CCDC18: variants seen among roughly 807,000 people sequenced by gnomAD.
CCDC18 encodes the protein coiled-coil domain-containing protein 18.
Under a neutral mutation model 196.0 loss-of-function variants are expected in CCDC18, and 157 were observed. The ratio of observed to expected loss-of-function variants is 0.80; its 90% CI spans 0.70 to 0.91. The LOEUF (loss-of-function observed/expected upper bound fraction) is 0.91. CCDC18 is among the 40% of genes least tolerant of loss of function. CCDC18 has a pLI of 0.00. For synonymous variants in CCDC18, 482 were observed against 529.2 expected (o/e 0.91, Z 1.22); for missense variants, 1,465 against 1,611.6 (o/e 0.91, Z 1.56).
Position 93,236,244 on chromosome 1 carries a change from C to T in CCDC18, c.2461-4C>T. The T allele has an allele frequency of 6.4e-7, 1 of 1,563,560 alleles. No homozygotes were observed. ...AAAATGTTTACTGAAAACTGCTTTA[C>T]AAGGTGTCAAAACTGGAACAAGAAC... On this transcript the variant is annotated splice_polypyrimidine_tract_variant and splice_region_variant and intron_variant, in intron 18 of 28. Coordinates refer to ENST00000690025, the MANE Select transcript of CCDC18 (RefSeq NM_001378204.1).
chr1:93,250,378 CAAAAAAAAAA>C (rs71094242), intron 23 of CCDC18, among the ~76,000 whole-genome samples: 4 of 89,434 alleles, frequency 4.5e-5, no homozygotes, highest in South Asian at 8.7e-4. Context: ...GAGACCCTGT[CAAAAAAAAAA>C]AAAAAAAAAG....
At chr1:93,213,174 C>G (rs1655940557) in intron 11 of CCDC18, among the ~76,000 whole-genome samples, 1 of 152,120 alleles carries the variant, frequency 6.6e-6, no homozygotes, top group Non-Finnish European at 1.5e-5. Context: ...CACTCACCTC[C>G]TACTATGTGG....
At chr1:93,235,963 G>A (rs1471140747) in intron 18 of CCDC18, among the ~76,000 whole-genome samples, 2 of 151,974 alleles carry the variant, frequency 1.3e-5, no homozygotes, top group African/African-American at 4.8e-5. Context: ...GAGAAGAAAG[G>A]GCATTTCAAA....
In CCDC18 at chr1:93,217,767, A is replaced by G. The variant is rs752768309; in HGVS notation, c.1860A>G (p.Glu620=). Residue 620 remains glutamate (E), a synonymous_variant, in exon 14 of 29, where the codon GAA becomes GAG. Coordinates refer to ENST00000690025, the MANE Select transcript of CCDC18 (RefSeq NM_001378204.1). ...AGAATGAAAAGATAAGGAGTCTAGA[A>G]ACCAATATTAATACAGAGCATGAGA... The part of the protein sequence containing the change: ...MEKNEKIRSL[E]TNINTEHEKI... 39 of 1,608,302 alleles carry G rather than the reference A, an allele frequency of 2.4e-5. 1 individual carries two copies. In the South Asian group the frequency reaches 4.2e-4, roughly 17 times the overall value.
At chr1:93,274,257 G>C (rs12405311) in intron 28 of CCDC18, among the ~76,000 whole-genome samples, 1 of 152,066 alleles carries the variant, frequency 6.6e-6, no homozygotes, top group Non-Finnish European at 1.5e-5. Flanking sequence ...ACAAAAATTA[G>C]CTGGGCATGG....
At chr1:93,208,137 A>G (rs1387781675) in intron 9 of CCDC18, among the ~76,000 whole-genome samples, 2 of 152,178 alleles carry the variant, frequency 1.3e-5, no homozygotes, top group East Asian at 1.9e-4. Flanking sequence ...ACCTAGGAGT[A>G]GAATTCTTGG....
chr1:93,264,156 CTCATGAGAACTCACTA>C (rs1664185501), intron 26 of CCDC18, among the ~76,000 whole-genome samples: 1 of 152,108 alleles, frequency 6.6e-6, no homozygotes, highest in Non-Finnish European at 1.5e-5. Context: ...ACGATCAGAT[CTCATGAGAACTCACTA>C]TCATGAGAAC....
chr1:93,272,125 T>A (rs1665324234), intron 28 of CCDC18, among the ~76,000 whole-genome samples: 1 of 152,192 alleles, frequency 6.6e-6, no homozygotes, highest in South Asian at 2.1e-4. Context: ...TTGGAATAGA[T>A]CCAAGACAAA....
rs759186009 is a variant in CCDC18, at chr1:93,234,934, A to AGTGTGTGTGTGTGTGTGTGT, written c.2461-1313_2461-1312insTGTGTGTGTGTGTGTGTGTG. Among the ~76,000 whole-genome samples the AGTGTGTGTGTGTGTGTGTGT allele has an allele frequency of 3.6e-3, 244 of 67,864 alleles. 6 individuals carry two copies. The highest frequency in any genetic ancestry group is 0.028 in the East Asian group (89 of 3,192). 44.5% of individuals were successfully genotyped at this position (67,864 alleles called of 152,430 possible). ...AAGTGCATACCACCATGCCCAGCTA[A>AGTGTGTGTGTGTGTGTGTGT]GAGTGTGTGTGTGTGTGTGTGTGTG... On this transcript the variant is annotated intron_variant, in intron 18 of 28. Transcript: ENST00000690025.
chr1:93,185,375 C>T (rs144972144), intron 3 of CCDC18, among the ~76,000 whole-genome samples: 1 of 151,870 alleles, frequency 6.6e-6, no homozygotes, highest in Non-Finnish European at 1.5e-5. Context: ...AAAAACGATA[C>T]TGTAGACACC....
intron 6 of CCDC18, among the ~76,000 whole-genome samples, chr1:93,196,518 C>A (rs570290574): frequency 6.6e-6 from 1 of 152,214 alleles, no homozygotes; most frequent in South Asian, 2.1e-4. Context: ...TATAAAGACT[C>A]TAAACTTATA....
At chr1:93,264,611 AAAT>A in intron 26 of CCDC18, 87 bp from the exon 27 acceptor site, 1 of 724,368 alleles carries the variant, frequency 1.4e-6, no homozygotes, top group Non-Finnish European at 2.3e-6. Flanking sequence ...AAGAAAAAGT[AAAT>A]AAAAGTAGAA....
At chr1:93,221,792 A>T (rs745814191) in intron 15 of CCDC18, 49 bp downstream of exon 15, 1 of 1,591,902 alleles carries the variant, frequency 6.3e-7, no homozygotes, top group Non-Finnish European at 8.5e-7. Flanking sequence ...CTAATATTTT[A>T]TGTCTCTATA....
intron 21 of CCDC18, among the ~76,000 whole-genome samples, chr1:93,243,444 T>A (rs1489110578): frequency 6.6e-6 from 1 of 152,198 alleles, no homozygotes; most frequent in African/African-American, 2.4e-5. Flanking sequence ...GAAACCATTT[T>A]TTCCTCCTAG....
intron 18 of CCDC18, among the ~76,000 whole-genome samples, chr1:93,234,260 C>T (rs1288284649): frequency 6.6e-6 from 1 of 151,964 alleles, no homozygotes; most frequent in Non-Finnish European, 1.5e-5. Context: ...CTCCCAGGTT[C>T]AAGTGATTCT....
intron 6 of CCDC18, among the ~76,000 whole-genome samples, chr1:93,195,163 G>A (rs867930370): frequency 1.3e-5 from 2 of 152,066 alleles, no homozygotes; most frequent in Non-Finnish European, 2.9e-5. Context: ...GAGCCACTGC[G>A]CCTGGCTAAA....
intron 25 of CCDC18, among the ~76,000 whole-genome samples, chr1:93,257,231 CAAAAAAAAAAAAAAAAA>C (rs71586787): frequency 1.1e-4 from 5 of 46,520 alleles, no homozygotes; most frequent in African/African-American, 3.4e-4. Flanking sequence ...GACTCCATCT[CAAAAAAAAAAAAAAAAA>C]AAAAAAAAAA....
Position 93,207,189 on chromosome 1 carries a change from A to T in CCDC18, c.1000A>T (p.Thr334Ser), listed in dbSNP as rs1429714593. Reference protein sequence around the residue: ...VKNSEVMAQLTESRQSILKLE... With the variant: ...VKNSEVMAQLSESRQSILKLE... ...AAATTCAGAAGTCATGGCACAACTAACTGAATCTAGACAAAGTATTTTGAA... is the reference window on the plus strand; with the variant it reads ...AAATTCAGAAGTCATGGCACAACTATCTGAATCTAGACAAAGTATTTTGAA... Residue 334 changes from threonine (T) to serine (S), a missense_variant, in exon 9 of 29, where the codon ACT becomes TCT. By Grantham distance (58) the Thr-to-Ser change is moderately conservative. Coordinates refer to ENST00000690025, the MANE Select transcript of CCDC18 (RefSeq NM_001378204.1). The T allele has an allele frequency of 6.2e-7, 1 of 1,610,526 alleles. No individual in the cohort carries two copies. The highest frequency in any genetic ancestry group is 1.7e-5 in the Admixed American group (1 of 59,988).
intron 27 of CCDC18, among the ~76,000 whole-genome samples, chr1:93,267,395 C>T (rs1406151390): frequency 6.6e-6 from 1 of 152,124 alleles, no homozygotes; most frequent in Non-Finnish European, 1.5e-5. Flanking sequence ...ACAGGGGTGC[C>T]CTCTCTCACC....
Sources: gnomAD v4.1 joint callset for allele counts (sites outside exome capture counted in the v4.1 genomes callset) on GRCh38, gnomAD v4.1.1 for gene constraint, MANE v1.5 for transcripts, NCBI Gene and HGNC (gene_info 2026-07-23, HGNC 2026-07-21) for gene names.